The following LTBP3 variants were observed in gnomAD, a reference collection of about 807,000 sequenced individuals.
The protein encoded by LTBP3 is latent-transforming growth factor beta-binding protein 3.
A neutral mutation model predicts 159.7 loss-of-function variants in LTBP3; 97 were observed. The observed-to-expected ratio is 0.61, with a 90% CI of 0.52 to 0.72. The LOEUF (loss-of-function observed/expected upper bound fraction) is 0.72. LTBP3 is among the 30% of genes least tolerant of loss of function. The pLI is 0.00. For missense variants in LTBP3, 1,584 were observed against 1,864.3 expected (o/e 0.85, Z 2.77); for synonymous variants, 824 against 777.1 (o/e 1.06, Z -1.00).
Position 65,553,931 on chromosome 11 carries a change from C to G in LTBP3, c.662-28G>C, listed in dbSNP as rs764017994. 6.6e-6 allele frequency: 10 copies of G among 1,513,304 alleles called. No individual in the cohort carries two copies. Among genetic ancestry groups the G allele is most frequent in the Admixed American group, 1.9e-5 (1 of 51,428 alleles). The allele number at this position is 1,513,304 out of a possible 1,614,324, so 93.7% of individuals were successfully genotyped here. On this transcript the variant is annotated intron_variant, in intron 2 of 27. Coordinates refer to ENST00000301873, the MANE Select transcript of LTBP3 (RefSeq NM_001130144.3). The surrounding 1 kb of genome is among the most constrained non-coding windows in gnomAD (Gnocchi z 6.5). ...GGGGGCGGGCGCGGTGGCCTCAGGG[C>G]TGCCCGCACCGCGCCGCGGGTCACC...
In LTBP3 at chr11:65,539,623, G is replaced by A. The variant is rs750972026; in HGVS notation, c.3553C>T (p.His1185Tyr). The change falls in exon 26 of 28, where the codon CAT becomes TAT. Residue 1185 changes from histidine to tyrosine, a missense_variant. By Grantham distance (83) the His-to-Tyr change is moderately conservative. Around this residue, in one of 6 missense-constraint regions of LTBP3, gnomAD observed 514 missense variants for 530.3 expected, o/e 0.97. Transcript: ENST00000301873. The stretch of plus-strand genomic sequence containing the variant: ...CTCTCGCTCTGCGATGTCGGGCAAT[G>A]GGACCCTGGGAGGAGCAGAACTGGT... The part of the protein sequence containing the change: ...RPCPPRGAGS[H>Y]CPTSQSESNS... 6.2e-7 allele frequency: 1 copy of A among 1,610,140 alleles called. No homozygotes were observed. The highest frequency in any genetic ancestry group is 1.1e-5 in the South Asian group (1 of 90,596).
intron 11 of LTBP3, among the ~76,000 whole-genome samples, chr11:65,550,199 G>A (rs1456490479): frequency 1.3e-5 from 2 of 151,880 alleles, no homozygotes; most frequent in Non-Finnish European, 2.9e-5. Context: ...CACAAGGTCA[G>A]GAGATCAAGA....
At chr11:65,542,963 TGG>T in intron 18 of LTBP3, 140 bp downstream of exon 18, 1 of 1,072,086 alleles carries the variant, frequency 9.3e-7, no homozygotes, top group Non-Finnish European at 1.4e-6. Flanking sequence ...GATGGATGGA[TGG>T]ATGGATGGAT....
At position 65,546,843 on chromosome 11, in the gene LTBP3, C is replaced by T. The variant is rs1207233682; in HGVS notation, c.2185G>A (p.Ala729Thr). Residue 729 changes from alanine (A) to threonine (T), a missense_variant, in exon 15 of 28, where the codon GCC becomes ACC. Transcript: ENST00000301873. The surrounding 1 kb of genome is among the most constrained non-coding windows in gnomAD (Gnocchi z 4.0). ...TGGCTGCGGTAGCCAGGCTGACAGGCGATGCACTTGAAGCTCCCGGGCTTG... is the reference window on the plus strand; with the variant it reads ...TGGCTGCGGTAGCCAGGCTGACAGGTGATGCACTTGAAGCTCCCGGGCTTG... ...ENKPGSFKCI[A>T]CQPGYRSQGG... 2.5e-6 allele frequency: 4 copies of T among 1,610,734 alleles called. No individual in the cohort carries two copies. The highest frequency in any genetic ancestry group is 3.4e-6 in the Non-Finnish European group (4 of 1,179,824).
Position 65,551,450 on chromosome 11 carries a change from G to C in LTBP3, c.1573C>G (p.Gln525Glu). 1.2e-6 allele frequency: 2 copies of C among 1,613,960 alleles called. No homozygotes were observed. The highest frequency in any genetic ancestry group is 1.7e-6 in the Non-Finnish European group (2 of 1,179,988). Residue 525 changes from glutamine to glutamate, a missense_variant, in exon 10 of 28, where the codon CAG (glutamine) becomes GAG (glutamate). Gln to Glu is a conservative substitution (Grantham distance 29, BLOSUM62 2). Coordinates refer to ENST00000301873, the MANE Select transcript of LTBP3 (RefSeq NM_001130144.3). ...GTGGTGGCAGTTGGGTGGCTCTGCT[G>C]CACTGACCTCTCCTCACTCACCGGC... ...DSPVSEERSV[Q>E]QSHPTATTTP...
In LTBP3 at chr11:65,547,347, G is replaced by GAAAA; in HGVS notation, c.2107+91_2107+92insTTTT. 7.5e-7 allele frequency: 1 copy of GAAAA among 1,329,962 alleles called. No homozygotes were observed. The highest frequency in any genetic ancestry group is 1.0e-6 in the Non-Finnish European group (1 of 975,686). 82.4% of individuals were successfully genotyped at this position (1,329,962 alleles called of 1,614,324 possible). ...CGACAGAGTGAGACTCCGTCTCGGG[G>GAAAA]GAAAAAAAAAAAAATGCAGGCACCC... is the stretch of plus-strand genomic sequence containing the variant. On this transcript the variant is annotated intron_variant, in intron 14 of 27. Transcript: ENST00000301873. This position sits in a 1 kb window ranked among gnomAD's most constrained non-coding sequence, Gnocchi z 4.6.
At position 65,557,623 on chromosome 11, in the gene LTBP3, C is replaced by T; in HGVS notation, c.331+6G>A. The T allele has an allele frequency of 6.2e-7, 1 of 1,608,950 alleles. No homozygotes were observed. The highest frequency in any genetic ancestry group is 8.5e-7 in the Non-Finnish European group (1 of 1,179,806). On this transcript the variant is annotated splice_donor_region_variant and intron_variant, in intron 1 of 27. Transcript: ENST00000301873. ...CCCTGCCCCCAGCCGTGCCCCCGGC[C>T]CTCACCCACGCGGAAGCCGGAGCCC...
Position 65,539,251 on chromosome 11 carries a change from G to C in LTBP3, c.3761-20C>G. On this transcript the variant is annotated intron_variant, in intron 27 of 27. Coordinates refer to ENST00000301873, the MANE Select transcript of LTBP3 (RefSeq NM_001130144.3). Reference sequence around the variant, plus strand: ...CGATATCTGAAGGTGAGGGCGACAGGTGCGGCTTCGCTGAGCCTCCAGGCG... The same window carrying C: ...CGATATCTGAAGGTGAGGGCGACAGCTGCGGCTTCGCTGAGCCTCCAGGCG... 6.6e-7 allele frequency: 1 copy of C among 1,522,692 alleles called. No homozygotes were observed. The highest frequency in any genetic ancestry group is 8.8e-7 in the Non-Finnish European group (1 of 1,130,972). 94.3% of individuals were successfully genotyped at this position (1,522,692 alleles called of 1,614,324 possible).
intron 24 of LTBP3, 58 bp downstream of exon 24, chr11:65,539,955 C>CG (rs1470491263): frequency 3.4e-6 from 5 of 1,458,138 alleles, no homozygotes; most frequent in South Asian, 2.7e-5. Context: ...CCCACCTGCG[C>CG]GGGGGCCACG....
At chr11:65,540,782 G>A (rs1011410060) in intron 21 of LTBP3, 89 bp downstream of exon 21, 14 of 1,500,438 alleles carry the variant, frequency 9.3e-6, no homozygotes, top group Admixed American at 5.7e-5. Context: ...CCCGGCGCGG[G>A]CAGCTGACCC....
At chr11:65,551,930 G>C (rs1856627906) in intron 8 of LTBP3, 42 bp downstream of exon 8, 1 of 1,600,594 alleles carries the variant, frequency 6.2e-7, no homozygotes. Flanking sequence ...TCAGGCCTAG[G>C]GGCTTGGCAT....
At position 65,540,344 on chromosome 11, in the gene LTBP3, C is replaced by T. The variant is rs1429370970; in HGVS notation, c.3145G>A (p.Gly1049Arg). The change falls in exon 23 of 28, where the codon GGA becomes AGA. Residue 1049 changes from glycine (G) to arginine (R), a missense_variant. By Grantham distance (125) the Gly-to-Arg change is moderately radical (BLOSUM62 -2). Transcript: ENST00000301873. ...CCGCCGCGCGTGTTCTCACACACTC[C>T]GTTCCGGCAGTTGGACTCGTCCAGG... Reference protein sequence around the residue: ...ECLDESNCRNGVCENTRGGYR... With the variant: ...ECLDESNCRNRVCENTRGGYR... 12 of 1,586,948 alleles carry T rather than the reference C, an allele frequency of 7.6e-6. No individual in the cohort carries two copies. The highest frequency in any genetic ancestry group is 1.0e-5 in the Non-Finnish European group (12 of 1,168,056).
intron 17 of LTBP3, 67 bp downstream of exon 17, chr11:65,543,360 A>G: frequency 6.2e-7 from 1 of 1,612,428 alleles, no homozygotes; most frequent in Non-Finnish European, 8.5e-7. Context: ...TTAGGACTGG[A>G]CCCTGGGGGG....
At chr11:65,543,003 G>A (rs1856219217) in intron 18 of LTBP3, 102 bp downstream of exon 18, 3 of 1,454,692 alleles carry the variant, frequency 2.1e-6, no homozygotes, top group East Asian at 2.3e-5. Flanking sequence ...GATGAAGGAT[G>A]GTTGGATGGG....
In LTBP3 at chr11:65,547,691, C is replaced by A. The variant is rs755306051; in HGVS notation, c.1977G>T (p.Val659=). ...LHVGAGGRSC[V]DLNECAKPHL... ...CGCCTCCGCCCTGGCGGCGCTCACCCACGCACGAGCGCCCCCCGGCGCCCA... is the reference window on the plus strand; with the variant it reads ...CGCCTCCGCCCTGGCGGCGCTCACCAACGCACGAGCGCCCCCCGGCGCCCA... The change falls in exon 13 of 28, where the codon GTG becomes GTT. Residue 659 remains valine, a splice_region_variant and synonymous_variant. Transcript: ENST00000301873. This position sits in a 1 kb window ranked among gnomAD's most constrained non-coding sequence, Gnocchi z 4.6. 19 of 1,605,618 alleles carry A rather than the reference C, an allele frequency of 1.2e-5. No homozygotes were observed. The highest frequency in any genetic ancestry group is 3.4e-5 in the Admixed American group (2 of 59,136).
Position 65,540,231 on chromosome 11 carries a change from G to GGCCCGGGCCTCACCCATCTC in LTBP3, c.3238_3244+13dup. On this transcript the variant is annotated intron_variant, in intron 23 of 27. Transcript: ENST00000301873. ...GCCCCTCCCGCGTACCCCACTCCCC[G>GGCCCGGGCCTCACCCATCTC]GCCCGGGCCTCACCCATCTCTTCCG... is the stretch of plus-strand genomic sequence containing the variant. 1 of 1,548,374 alleles carries GGCCCGGGCCTCACCCATCTC rather than the reference G, an allele frequency of 6.5e-7. No homozygotes were observed. Among genetic ancestry groups the GGCCCGGGCCTCACCCATCTC allele is most frequent in the South Asian group, 1.2e-5 (1 of 84,028 alleles).
chr11:65,547,062 T>C lies in LTBP3; in HGVS notation c.2108-142A>G. 3 of 1,258,450 alleles carry C rather than the reference T, an allele frequency of 2.4e-6. No individual in the cohort carries two copies. Among genetic ancestry groups the C allele is most frequent in the South Asian group, 1.4e-5 (1 of 71,188 alleles). The allele number at this position is 1,258,450 out of a possible 1,614,324, so 78.0% of individuals were successfully genotyped here. A position where few individuals can be genotyped will look rare whatever the true frequency, so the allele number is the denominator to read the frequency against. On this transcript the variant is annotated intron_variant, in intron 14 of 27. Coordinates refer to ENST00000301873, the MANE Select transcript of LTBP3 (RefSeq NM_001130144.3). This position sits in a 1 kb window ranked among gnomAD's most constrained non-coding sequence, Gnocchi z 4.6. ...CCTCTGAGAGGCCCAGAGCCGAGCA[T>C]ACAGGCCGGGTGCGGTGGCACACGG...
Position 65,539,592 on chromosome 11 carries a change from G to A in LTBP3, c.3584C>T (p.Ser1195Phe), listed in dbSNP as rs751218306. 37 of 1,612,772 alleles carry A rather than the reference G, an allele frequency of 2.3e-5. No individual in the cohort carries two copies. The highest frequency in any genetic ancestry group is 2.9e-5 in the Non-Finnish European group (34 of 1,179,448). ...CAGCAGGGGGCTTGTGTCCCAGAAGGAATTGCTCTCGCTCTGCGATGTCGG... is the reference window on the plus strand; with the variant it reads ...CAGCAGGGGGCTTGTGTCCCAGAAGAAATTGCTCTCGCTCTGCGATGTCGG... ...HCPTSQSESN[S>F]FWDTSPLLLG... The change falls in exon 26 of 28, where the codon TCC becomes TTC. Residue 1195 changes from serine to phenylalanine, a missense_variant. Coordinates refer to ENST00000301873, the MANE Select transcript of LTBP3 (RefSeq NM_001130144.3).
At chr11:65,542,070 C>T (rs191522402) in intron 18 of LTBP3, 2 of 353,548 alleles carry the variant, frequency 5.7e-6, no homozygotes, top group Admixed American at 3.8e-5. Flanking sequence ...TCAGGGCACC[C>T]TCCCCTCCTC....
Sources: gnomAD v4.1 joint callset for allele counts (sites outside exome capture counted in the v4.1 genomes callset) on GRCh38, gnomAD v4.1.1 for gene constraint, gnomAD v4.1.1 regional missense constraint, Gnocchi (gnomAD v3.1) non-coding constraint, MANE v1.5 for transcripts, NCBI Gene and HGNC (gene_info 2026-07-23, HGNC 2026-07-21) for gene names.